GAB2: variants seen among roughly 807,000 people sequenced by gnomAD.
The protein encoded by GAB2 is GRB2-associated-binding protein 2.
A neutral mutation model predicts 65.5 loss-of-function variants in GAB2; 26 were observed. That is an observed-to-expected ratio of 0.40 (90% CI 0.29 to 0.55). The LOEUF (loss-of-function observed/expected upper bound fraction) is 0.55. GAB2 is among the 20% of genes least tolerant of loss of function. GAB2 has a pLI of 0.53. For missense variants in GAB2, 884 were observed against 875.8 expected (o/e 1.01, Z -0.12); for synonymous variants, 321 against 329.6 (o/e 0.97, Z 0.28).
At chr11:78,394,335 T>C (rs76752157) in intron 1 of GAB2, among the ~76,000 whole-genome samples, 4 of 152,084 alleles carry the variant, frequency 2.6e-5, no homozygotes, top group African/African-American at 9.7e-5. Flanking sequence ...TGAGATCTTC[T>C]ACCCCAACCA....
intron 2 of GAB2, among the ~76,000 whole-genome samples, chr11:78,258,284 GA>G (rs1865646572): frequency 6.6e-6 from 1 of 152,082 alleles, no homozygotes; most frequent in South Asian, 2.1e-4. Context: ...GGCAGAGACA[GA>G]AGGGTTAGGG....
intron 1 of GAB2, among the ~76,000 whole-genome samples, chr11:78,288,372 C>A (rs1347772639): frequency 1.0e-5 from 1 of 98,800 alleles, no homozygotes; most frequent in Non-Finnish European, 2.0e-5. Flanking sequence ...GAGTGAGACT[C>A]CATCTCAAAG....
At chr11:78,268,736 A>T (rs1335509848) in intron 2 of GAB2, among the ~76,000 whole-genome samples, 42 of 110,690 alleles carry the variant, frequency 3.8e-4, no homozygotes, top group African/African-American at 1.4e-3. Context: ...TCTGGTATTT[A>T]AAAAAAAAAA....
chr11:78,239,436 G>T (rs766896028), intron 3 of GAB2, among the ~76,000 whole-genome samples: 14 of 152,074 alleles, frequency 9.2e-5, no homozygotes, highest in East Asian at 1.9e-4. Flanking sequence ...GGTCAGGCTG[G>T]TCTTGAACTC....
intron 1 of GAB2, among the ~76,000 whole-genome samples, chr11:78,384,260 C>T (rs1856737247): frequency 6.6e-6 from 1 of 152,132 alleles, no homozygotes; most frequent in Non-Finnish European, 1.5e-5. Context: ...CATATGGGAG[C>T]TATGTGGGAG....
chr11:78,414,285 A>G (rs1353355184), intron 1 of GAB2, among the ~76,000 whole-genome samples: 1 of 152,122 alleles, frequency 6.6e-6, no homozygotes, highest in Admixed American at 6.6e-5. Flanking sequence ...TTTTATTCCA[A>G]GCACCTGATC....
At chr11:78,277,500 C>A (rs780160266) in intron 2 of GAB2, among the ~76,000 whole-genome samples, 7 of 152,218 alleles carry the variant, frequency 4.6e-5, no homozygotes, top group African/African-American at 7.2e-5. Flanking sequence ...AACTGGTGAT[C>A]AGCAGCTTTC....
At chr11:78,319,787 C>T (rs550795097) in intron 1 of GAB2, among the ~76,000 whole-genome samples, 39 of 152,188 alleles carry the variant, frequency 2.6e-4, no homozygotes, top group African/African-American at 5.5e-4. Flanking sequence ...CACTGTGCCA[C>T]GGGCTGAGGA....
At chr11:78,263,506 G>A (rs918124987) in intron 2 of GAB2, among the ~76,000 whole-genome samples, 1 of 151,966 alleles carries the variant, frequency 6.6e-6, no homozygotes, top group Non-Finnish European at 1.5e-5. Context: ...GGTGGTGGGT[G>A]CCTGTAGTTC....
rs188792533 is a variant in GAB2 at position 78,318,014 on chromosome 11, G to A, written c.76-37113C>T. ...TTATGTGTCAAATATTGTACTAAGGGCTGGGGATCCACAAATATGAATATA... is the reference window on the plus strand; with the variant it reads ...TTATGTGTCAAATATTGTACTAAGGACTGGGGATCCACAAATATGAATATA... On this transcript the variant is annotated intron_variant, in intron 1 of 9. Coordinates refer to ENST00000361507, the MANE Select transcript of GAB2 (RefSeq NM_080491.3). 5.3e-5 allele frequency: 8 copies of A among 152,234 alleles called. No homozygotes were observed. In the East Asian group the frequency reaches 1.5e-3, roughly 29 times the overall value. 9.4% of individuals were successfully genotyped at this position (152,234 alleles called of 1,614,324 possible).
chr11:78,300,516 T>TAAAAAAAAAAAAAAAAAAAAAAA (rs138790128), intron 1 of GAB2, among the ~76,000 whole-genome samples: 1 of 142,872 alleles, frequency 7.0e-6, no homozygotes, highest in African/African-American at 2.6e-5. Context: ...TTTAATTTTA[T>TAAAAAAAAAAAAAAAAAAAAAAA]AAAAAAACAA....
intron 1 of GAB2, among the ~76,000 whole-genome samples, chr11:78,406,206 T>C (rs753786533): frequency 6.6e-6 from 1 of 152,204 alleles, no homozygotes; most frequent in Admixed American, 6.5e-5. Context: ...ACTACCTTCC[T>C]ATCGGGAGTG....
intron 1 of GAB2, among the ~76,000 whole-genome samples, chr11:78,411,584 G>A (rs185469489): frequency 1.8e-4 from 28 of 152,252 alleles, no homozygotes; most frequent in Middle Eastern, 3.4e-3. Context: ...GACAAAGACG[G>A]AAAAGCAATT....
At chr11:78,252,697 T>G (rs1865489472) in intron 2 of GAB2, among the ~76,000 whole-genome samples, 1 of 152,010 alleles carries the variant, frequency 6.6e-6, no homozygotes, top group Non-Finnish European at 1.5e-5. Flanking sequence ...TGCTGACAAC[T>G]CTCAAATCTT....
intron 2 of GAB2, among the ~76,000 whole-genome samples, chr11:78,271,850 C>G (rs1269792847): frequency 6.6e-6 from 1 of 152,138 alleles, no homozygotes; most frequent in Non-Finnish European, 1.5e-5. Context: ...TCTTGAATTC[C>G]CACGTGTTGT....
At chr11:78,413,904 C>T (rs1244944260) in intron 1 of GAB2, among the ~76,000 whole-genome samples, 1 of 152,026 alleles carries the variant, frequency 6.6e-6, no homozygotes, top group African/African-American at 2.4e-5. Flanking sequence ...GCCTCACCAA[C>T]GTGGTCAAGC....
At chr11:78,292,504 G>C (rs999290394) in intron 1 of GAB2, among the ~76,000 whole-genome samples, 1 of 152,220 alleles carries the variant, frequency 6.6e-6, no homozygotes, top group Non-Finnish European at 1.5e-5. Flanking sequence ...TGGTGATGTG[G>C]TTGAGTTCTA....
At chr11:78,220,668 A>C (rs1208375219) in intron 8 of GAB2, among the ~76,000 whole-genome samples, 1 of 152,188 alleles carries the variant, frequency 6.6e-6, no homozygotes, top group Admixed American at 6.5e-5. Flanking sequence ...ACTGTGGTTC[A>C]CTTTACTTTC....
chr11:78,231,780 T>TC (rs1864859463), intron 3 of GAB2: 1 of 152,250 alleles, frequency 6.6e-6, no homozygotes, highest in Non-Finnish European at 1.5e-5. Flanking sequence ...CCCACTGGAC[T>TC]CCAAGAACCC....
Sources: gnomAD v4.1 joint callset for allele counts (sites outside exome capture counted in the v4.1 genomes callset) on GRCh38, gnomAD v4.1.1 for gene constraint, MANE v1.5 for transcripts, NCBI Gene and HGNC (gene_info 2026-07-23, HGNC 2026-07-21) for gene names.